Variants in ZNF292 observed in about 807,000 individuals in gnomAD.
ZNF292 encodes the protein zinc finger protein 292.
ZNF292 carries 26 observed loss-of-function variants against 217.9 expected under a neutral mutation model. That is an observed-to-expected ratio of 0.12 (90% CI 0.09 to 0.17). The LOEUF is 0.17. Among genes scored for constraint, ZNF292 ranks in the 10% least tolerant of loss-of-function variants. The probability of loss-of-function intolerance (pLI) is 1.00; values close to 1 mark genes in which losing one functional copy is unlikely to be tolerated. For missense variants in ZNF292, 2,904 were observed against 3,175.2 expected, an observed-to-expected ratio of 0.91 and a Z score of 2.05; for synonymous variants, 1,257 against 1,124.1, an observed-to-expected ratio of 1.12 and a Z score of -2.37.
intron 1 of ZNF292, among the ~76,000 whole-genome samples, chr6:87,200,376 A>G (rs1296574260): frequency 6.6e-6 from 1 of 152,200 alleles, no homozygotes; most frequent in Non-Finnish European, 1.5e-5. Context: ...AGTGTTTTAT[A>G]CGGAGAAACA....
intron 4 of ZNF292, among the ~76,000 whole-genome samples, chr6:87,222,611 T>G (rs897766206): frequency 4.6e-5 from 7 of 152,220 alleles, no homozygotes; most frequent in Non-Finnish European, 5.9e-5. Flanking sequence ...GTGAAGAGTT[T>G]CCATATACCC....
chr6:87,232,441 A>G (rs1227341860), intron 4 of ZNF292, among the ~76,000 whole-genome samples: 2 of 152,156 alleles, frequency 1.3e-5, no homozygotes, highest in Non-Finnish European at 2.9e-5. Flanking sequence ...TGTTATTACT[A>G]AAAGCCTTCC....
intron 5 of ZNF292, among the ~76,000 whole-genome samples, chr6:87,239,048 C>T (rs1184305755): frequency 4.6e-5 from 7 of 152,214 alleles, no homozygotes; most frequent in East Asian, 1.9e-4. Flanking sequence ...TTTCTTAGTA[C>T]GGAACAAAAT....
At chr6:87,211,265 G>A (rs528551672) in intron 1 of ZNF292, among the ~76,000 whole-genome samples, 1 of 152,328 alleles carries the variant, frequency 6.6e-6, no homozygotes, top group Non-Finnish European at 1.5e-5. Flanking sequence ...AAACAGGAAA[G>A]TGTCTCTTTT....
chr6:87,232,888 C>A (rs1773724119), intron 4 of ZNF292, among the ~76,000 whole-genome samples: 1 of 151,992 alleles, frequency 6.6e-6, no homozygotes, highest in Non-Finnish European at 1.5e-5. Flanking sequence ...TTAGTTGAAT[C>A]TCTTCTTCTG....
rs1038080314 is a variant in ZNF292, at chr6:87,265,290, T to G, written c.*3489T>G. Among the ~76,000 whole-genome samples the G allele has an allele frequency of 2.0e-5, 3 of 152,010 alleles. No homozygotes were observed. The highest frequency in any genetic ancestry group is 4.4e-5 in the Non-Finnish European group (3 of 67,994). ...CTATCACACCCAGCTAATTTTGTAG[T>G]TTTGGCACAATCTCAGCTCAGTGCA... On this transcript the variant is annotated 3_prime_UTR_variant, in exon 8 of 8. Transcript: ENST00000369577.
At chr6:87,208,436 C>A (rs771040922) in intron 1 of ZNF292, among the ~76,000 whole-genome samples, 3 of 152,004 alleles carry the variant, frequency 2.0e-5, no homozygotes, top group South Asian at 4.1e-4. Context: ...CTTTTTTCTC[C>A]TATCCATAAT....
At chr6:87,203,396 G>A (rs1359543663) in intron 1 of ZNF292, among the ~76,000 whole-genome samples, 1 of 152,030 alleles carries the variant, frequency 6.6e-6, no homozygotes, top group Non-Finnish European at 1.5e-5. Flanking sequence ...ACCCGCCTCA[G>A]CCTACCAAAG....
chr6:87,200,949 A>G (rs967526441), intron 1 of ZNF292, among the ~76,000 whole-genome samples: 9 of 152,190 alleles, frequency 5.9e-5, no homozygotes, highest in Non-Finnish European at 8.8e-5. Flanking sequence ...GCCGTTTGCC[A>G]GGGATGGTAG....
intron 1 of ZNF292, among the ~76,000 whole-genome samples, chr6:87,211,046 T>C (rs111893896): frequency 6.6e-6 from 1 of 152,194 alleles, no homozygotes; most frequent in Non-Finnish European, 1.5e-5. Flanking sequence ...GAGCCACTAG[T>C]TTATGAACAC....
At chr6:87,212,234 T>G (rs1347931754) in intron 1 of ZNF292, among the ~76,000 whole-genome samples, 3 of 152,188 alleles carry the variant, frequency 2.0e-5, no homozygotes, top group African/African-American at 4.8e-5. Flanking sequence ...CCTGTCTCTG[T>G]GGAGTTGGGA....
chr6:87,183,453 A>C (rs528588374), intron 1 of ZNF292, among the ~76,000 whole-genome samples: 42 of 152,298 alleles, frequency 2.8e-4, no homozygotes, highest in South Asian at 2.1e-3. Flanking sequence ...GTTGAATCAT[A>C]ATTCTAAAAG....
chr6:87,259,793 G>A lies in ZNF292; in HGVS notation c.6164G>A (p.Ser2055Asn). The A allele has an allele frequency of 1.2e-6, 2 of 1,607,244 alleles. No homozygotes were observed. Among genetic ancestry groups the A allele is most frequent in the Non-Finnish European group, 1.7e-6 (2 of 1,176,678 alleles). ...VEKKSPDKTE[S>N]SLQVITVTSE... is the part of the protein sequence containing the mutation. ...AAAAAAAGTCCTGACAAAACAGAAA[G>A]TTCTTTACAAGTGATTACAGTTACT... The change falls in exon 8 of 8, where the codon AGT becomes AAT. Residue 2055 changes from serine (S) to asparagine (N), a missense_variant. By Grantham distance (46) the Ser-to-Asn change is conservative. Transcript: ENST00000369577.
intron 1 of ZNF292, chr6:87,215,246 G>A (rs1772686161): frequency 6.6e-6 from 1 of 151,706 alleles, no homozygotes; most frequent in Admixed American, 6.6e-5. Context: ...TTCTGATGAG[G>A]TAAATTTAAA....
At chr6:87,170,073 CATT>C (rs1156328881) in intron 1 of ZNF292, 1 of 121,204 alleles carries the variant, frequency 8.3e-6, no homozygotes, top group African/African-American at 3.3e-5. Context: ...AAACTTAAAA[CATT>C]ATACATTAAC....
rs757591426 is a variant in ZNF292 at position 87,259,134 on chromosome 6, T to C, written c.5505T>C (p.Asp1835=). The change falls in exon 8 of 8, where the codon GAT becomes GAC. Residue 1835 remains aspartate (D), a synonymous_variant. Transcript: ENST00000369577. ...IPQSEVSHKE[D]QIQEILEGLQ... Reference sequence around the variant, plus strand: ...AGTCTGAAGTATCACATAAGGAGGATCAAATACAGGAAATTTTAGAAGGCT... The same window carrying C: ...AGTCTGAAGTATCACATAAGGAGGACCAAATACAGGAAATTTTAGAAGGCT... 1 of 1,613,288 alleles carries C rather than the reference T, an allele frequency of 6.2e-7. No individual in the cohort carries two copies. The highest frequency in any genetic ancestry group is 2.2e-5 in the East Asian group (1 of 44,852).
At chr6:87,167,098 A>G (rs761921527) in intron 1 of ZNF292, among the ~76,000 whole-genome samples, 5 of 152,224 alleles carry the variant, frequency 3.3e-5, no homozygotes, top group South Asian at 4.1e-4. Flanking sequence ...TTGGAAAACT[A>G]TTTTAATAGT....
intron 2 of ZNF292, 51 bp downstream of exon 2, chr6:87,216,108 GAC>G (rs57115253): frequency 0.081 from 40,095 of 497,412 alleles, 710 homozygotes; most frequent in Admixed American, 0.13. Context: ...AAAATACATA[GAC>G]ACACACACAC....
rs773928102 is a variant in ZNF292, at chr6:87,254,878, TATG to T, written c.1254_1256del (p.Asp418del). On this transcript the variant is annotated inframe_deletion, in exon 8 of 8. Transcript: ENST00000369577. ...GTTGTATAATCAGCCAGACCAGAAA[TATG>T]ATGAAGAGAATCTTCCAATACCAAA... 5.6e-6 allele frequency: 9 copies of T among 1,613,778 alleles called. No homozygotes were observed. The highest frequency in any genetic ancestry group is 7.6e-6 in the Non-Finnish European group (9 of 1,179,790).
Sources: allele counts gnomAD v4.1 joint callset (sites outside exome capture counted in the v4.1 genomes callset), GRCh38; gene constraint gnomAD v4.1.1; transcripts MANE v1.5; gene names NCBI Gene and HGNC (gene_info 2026-07-23, HGNC 2026-07-21).